Variants in CRYBG1 observed in about 807,000 individuals in gnomAD.
CRYBG1 encodes crystallin beta-gamma domain containing 1, also known as beta/gamma crystallin domain-containing protein 1.
In CRYBG1, 139 loss-of-function variants were observed where a neutral mutation model predicts 189.2. The ratio of observed to expected loss-of-function variants is 0.73; its 90% confidence interval spans 0.64 to 0.85. The LOEUF (loss-of-function observed/expected upper bound fraction) is 0.85, where lower values mean the gene tolerates loss of function less well. CRYBG1 is among the 40% of genes least tolerant of loss of function. CRYBG1 has a pLI of 0.00. For missense variants in CRYBG1, 2,611 were observed against 2,675.8 expected (o/e 0.98, Z 0.53); for synonymous variants, 1,023 against 1,017.1 (o/e 1.01, Z -0.11).
chr6:106,448,525 TC>T (rs1211835862), intron 1 of CRYBG1, among the ~76,000 whole-genome samples: 1 of 152,066 alleles, frequency 6.6e-6, no homozygotes, highest in Non-Finnish European at 1.5e-5. Flanking sequence ...ACTTAGTTTA[TC>T]CCCCAAATCA....
chr6:106,410,361 GA>G (rs914224164), intron 1 of CRYBG1, among the ~76,000 whole-genome samples: 19 of 152,112 alleles, frequency 1.2e-4, no homozygotes, highest in African/African-American at 4.1e-4. Context: ...GATCATTAAA[GA>G]GTCAGGAAAC....
intron 2 of CRYBG1, among the ~76,000 whole-genome samples, chr6:106,510,809 C>T (rs1773241288): frequency 6.6e-6 from 1 of 152,238 alleles, no homozygotes; most frequent in Non-Finnish European, 1.5e-5. Context: ...TTTGAACGCT[C>T]GCGCGCTCCT....
At chr6:106,466,160 A>C (rs755959444) in intron 2 of CRYBG1, among the ~76,000 whole-genome samples, 6 of 152,234 alleles carry the variant, frequency 3.9e-5, no homozygotes, top group Non-Finnish European at 7.3e-5. Flanking sequence ...TGAAATAGCA[A>C]ATATTTTCAA....
At chr6:106,547,560 ATTCACTT>A (rs1774294327) in intron 13 of CRYBG1, among the ~76,000 whole-genome samples, 1 of 152,238 alleles carries the variant, frequency 6.6e-6, no homozygotes. Flanking sequence ...AGGACTACCT[ATTCACTT>A]TAAATAGTTT....
intron 1 of CRYBG1, among the ~76,000 whole-genome samples, chr6:106,427,257 C>A (rs771372499): frequency 6.6e-6 from 1 of 152,212 alleles, no homozygotes; most frequent in Non-Finnish European, 1.5e-5. Context: ...GTCAAACAGC[C>A]TTCCCAGCCT....
At chr6:106,383,889 G>A (rs1770333589) in intron 1 of CRYBG1, among the ~76,000 whole-genome samples, 1 of 152,186 alleles carries the variant, frequency 6.6e-6, no homozygotes, top group South Asian at 2.1e-4. Context: ...ATTAGTACAT[G>A]GGGCTAGGGA....
At chr6:106,449,939 CA>C (rs1771744547) in intron 1 of CRYBG1, among the ~76,000 whole-genome samples, 11 of 152,050 alleles carry the variant, frequency 7.2e-5, no homozygotes, top group Admixed American at 7.2e-4. Context: ...AAAGTATGTA[CA>C]GGGGCCAGGC....
chr6:106,370,456 C>T (rs964965192), intron 1 of CRYBG1, among the ~76,000 whole-genome samples: 1 of 152,192 alleles, frequency 6.6e-6, no homozygotes, highest in African/African-American at 2.4e-5. Context: ...CCTGGCTGCT[C>T]TAACTTTAGG....
chr6:106,550,611 T>C (rs1180071931), intron 13 of CRYBG1, among the ~76,000 whole-genome samples: 2 of 152,172 alleles, frequency 1.3e-5, no homozygotes, highest in East Asian at 3.8e-4. Flanking sequence ...GTTTATTTAA[T>C]TTTTACATAT....
chr6:106,556,068 C>T (rs140960354), intron 17 of CRYBG1, among the ~76,000 whole-genome samples, 171 bp downstream of exon 17: 297 of 152,272 alleles, frequency 2.0e-3, no homozygotes, highest in African/African-American at 6.6e-3. Flanking sequence ...AACTGGTACA[C>T]GTTTTCCACC....
Position 106,520,503 on chromosome 6 carries a change from T to C in CRYBG1, c.3295T>C (p.Phe1099Leu). ...TTCTGCTGGTAGTGATGATAGTGTA[T>C]TTGATTCTTCTTCTGATATGGAAAA... is the stretch of plus-strand genomic sequence containing the variant. ...NISAGSDDSV[F>L]DSSSDMEKFT... The change falls in exon 4 of 22, where the codon TTT becomes CTT. Residue 1099 changes from phenylalanine to leucine, a missense_variant. Physicochemically the swap from Phe to Leu is conservative, Grantham distance 22 (BLOSUM62 0). Transcript: ENST00000633556. 6.2e-7 allele frequency: 1 copy of C among 1,614,180 alleles called. No homozygotes were observed. Among genetic ancestry groups the C allele is most frequent in the South Asian group, 1.1e-5 (1 of 91,082 alleles).
intron 1 of CRYBG1, among the ~76,000 whole-genome samples, chr6:106,419,082 A>G (rs1430543762): frequency 6.6e-6 from 1 of 152,202 alleles, no homozygotes; most frequent in Middle Eastern, 3.2e-3. Flanking sequence ...CATGGTTGAC[A>G]AAGAAAAGGG....
At chr6:106,441,206 A>G (rs533968058) in intron 1 of CRYBG1, among the ~76,000 whole-genome samples, 2 of 152,346 alleles carry the variant, frequency 1.3e-5, no homozygotes, top group African/African-American at 4.8e-5. Flanking sequence ...CTGTCTGACC[A>G]CAGCTGGAAG....
intron 1 of CRYBG1, among the ~76,000 whole-genome samples, chr6:106,369,133 A>G (rs1459293832): frequency 6.6e-6 from 1 of 152,220 alleles, no homozygotes; most frequent in Non-Finnish European, 1.5e-5. Flanking sequence ...TTGACAAAGT[A>G]CCAGGAGGCC....
intron 20 of CRYBG1, among the ~76,000 whole-genome samples, chr6:106,562,405 GTT>G (rs1367789754): frequency 6.6e-6 from 1 of 152,198 alleles, no homozygotes; most frequent in African/African-American, 2.4e-5. Flanking sequence ...TTTCAGTGAT[GTT>G]ATTTAACAAC....
intron 2 of CRYBG1, among the ~76,000 whole-genome samples, chr6:106,503,823 G>A (rs1773064178): frequency 6.6e-6 from 1 of 152,154 alleles, no homozygotes; most frequent in East Asian, 1.9e-4. Flanking sequence ...CTTTTTAAAA[G>A]AAGCTTTTTG....
intron 2 of CRYBG1, among the ~76,000 whole-genome samples, chr6:106,508,697 ATTTG>A (rs2114518898): frequency 6.6e-6 from 1 of 151,634 alleles, no homozygotes; most frequent in African/African-American, 2.4e-5. Flanking sequence ...ATGTACCACA[ATTTG>A]TTTATCTGTT....
intron 1 of CRYBG1, among the ~76,000 whole-genome samples, chr6:106,395,716 C>T (rs1479643483): frequency 6.6e-6 from 1 of 151,984 alleles, no homozygotes; most frequent in Non-Finnish European, 1.5e-5. Context: ...GAAGGAGTCC[C>T]ATCTATTTGA....
rs774728710 is a variant in CRYBG1 at position 106,544,923 on chromosome 6, C to T, written c.5302C>T (p.Leu1768=). 2.8e-5 allele frequency: 45 copies of T among 1,599,856 alleles called. No homozygotes were observed. The highest frequency in any genetic ancestry group is 1.1e-5 in the Non-Finnish European group (13 of 1,176,344). ...YGVKTQSINV[L]SGVWVAYENP... ...AGTGAAGACACAGTCTATTAATGTACTGAGTGGAGTGTAAGTGAAATAATC... is the reference window on the plus strand; with the variant it reads ...AGTGAAGACACAGTCTATTAATGTATTGAGTGGAGTGTAAGTGAAATAATC... The change falls in exon 13 of 22, where the codon CTG becomes TTG. Residue 1768 remains leucine, a synonymous_variant. Coordinates refer to ENST00000633556, the MANE Select transcript of CRYBG1 (RefSeq NM_001371242.2).
Sources: gnomAD v4.1 joint callset for allele counts (sites outside exome capture counted in the v4.1 genomes callset) on GRCh38, gnomAD v4.1.1 for gene constraint, MANE v1.5 for transcripts, NCBI Gene and HGNC (gene_info 2026-07-23, HGNC 2026-07-21) for gene names.